The following SLC24A2 variants were observed in gnomAD, a reference collection of about 807,000 sequenced individuals.
SLC24A2 encodes the protein solute carrier family 24 member 2, also known as sodium/potassium/calcium exchanger 2.
In SLC24A2, 36 loss-of-function variants were observed where a neutral mutation model predicts 62.0. The ratio of observed to expected loss-of-function variants is 0.58; its 90% CI spans 0.44 to 0.77. SLC24A2 has a LOEUF of 0.77. SLC24A2 is among the 30% of genes least tolerant of loss of function. The pLI, the probability that SLC24A2 is intolerant of heterozygous loss-of-function variation, is 0.00. For synonymous variants in SLC24A2, 358 were observed against 294.0 expected, an observed-to-expected ratio of 1.22 and a Z score of -2.23; for missense variants, 846 against 817.9, an observed-to-expected ratio of 1.03 and a Z score of -0.42.
the SLC24A2 span, among the ~76,000 whole-genome samples, chr9:19,850,588 C>A: frequency 6.6e-6 from 1 of 152,026 alleles, no homozygotes; most frequent in South Asian, 2.1e-4. Flanking sequence ...TATCCATTAT[C>A]CCCCAAAATT....
chr9:19,971,508 G>A, the SLC24A2 span, among the ~76,000 whole-genome samples: 1 of 152,188 alleles, frequency 6.6e-6, no homozygotes, highest in Non-Finnish European at 1.5e-5. Flanking sequence ...GGCAGGGGAA[G>A]GATTCTCACT....
the SLC24A2 span, among the ~76,000 whole-genome samples, chr9:20,049,809 T>C: frequency 6.6e-6 from 1 of 152,032 alleles, no homozygotes; most frequent in African/African-American, 2.4e-5. Context: ...CAGCAATCAC[T>C]GGGTAGAAGC....
At chr9:19,896,805 G>A in the SLC24A2 span, among the ~76,000 whole-genome samples, 1 of 152,058 alleles carries the variant, frequency 6.6e-6, no homozygotes, top group African/African-American at 2.4e-5. Flanking sequence ...CTATAAAAGG[G>A]GAACAACATT....
chr9:19,867,541 C>T, the SLC24A2 span, among the ~76,000 whole-genome samples: 1 of 151,794 alleles, frequency 6.6e-6, no homozygotes, highest in Non-Finnish European at 1.5e-5. Context: ...TCTTTCATTC[C>T]TGATTTTGGT....
the SLC24A2 span, among the ~76,000 whole-genome samples, chr9:20,023,878 A>T: frequency 6.6e-6 from 1 of 152,196 alleles, no homozygotes; most frequent in Non-Finnish European, 1.5e-5. Context: ...CTACTTAGGA[A>T]TATGTTTTCC....
intron 2 of SLC24A2, among the ~76,000 whole-genome samples, chr9:19,649,869 G>T (rs573255739): frequency 6.6e-6 from 1 of 152,338 alleles, no homozygotes; most frequent in East Asian, 1.9e-4. Flanking sequence ...AATTAGGTCT[G>T]AATTCAGAGC....
At chr9:20,292,513 C>T in the SLC24A2 span, among the ~76,000 whole-genome samples, 3 of 152,210 alleles carry the variant, frequency 2.0e-5, no homozygotes, top group African/African-American at 7.2e-5. Context: ...TCTCCCTTAG[C>T]TATCTGTATT....
the SLC24A2 span, among the ~76,000 whole-genome samples, chr9:20,034,654 G>C: frequency 6.6e-6 from 1 of 151,900 alleles, no homozygotes; most frequent in Non-Finnish European, 1.5e-5. Flanking sequence ...ATTTTTAGTA[G>C]AGACGGGGTT....
chr9:19,627,291 T>C (rs958919756), intron 2 of SLC24A2, among the ~76,000 whole-genome samples: 6 of 152,188 alleles, frequency 3.9e-5, no homozygotes, highest in Non-Finnish European at 8.8e-5. Context: ...GATGATTTGT[T>C]TGGATAATCT....
chr9:19,722,782 A>G (rs1035222910), intron 2 of SLC24A2, among the ~76,000 whole-genome samples: 2 of 152,132 alleles, frequency 1.3e-5, no homozygotes, highest in Non-Finnish European at 2.9e-5. Context: ...GATGACCCCC[A>G]AACAATCTTA....
At chr9:19,883,817 G>A in the SLC24A2 span, among the ~76,000 whole-genome samples, 1 of 151,986 alleles carries the variant, frequency 6.6e-6, no homozygotes, top group East Asian at 1.9e-4. Flanking sequence ...CGCCCACCTT[G>A]GCCTCCCAAC....
the SLC24A2 span, among the ~76,000 whole-genome samples, chr9:20,261,764 G>C: frequency 7.4e-5 from 5 of 67,778 alleles, no homozygotes; most frequent in Non-Finnish European, 1.2e-4. Context: ...TTTTGAGACT[G>C]AGTCTCGCTC....
Position 19,527,478 on chromosome 9 carries a change from C to A in SLC24A2, c.1569+571G>T, listed in dbSNP as rs572101860. 4.1e-4 allele frequency among the ~76,000 whole-genome samples: 62 copies of A among 152,282 alleles called. 1 individual carries two copies. In the South Asian group the frequency reaches 0.012, roughly 30 times the overall value. On this transcript the variant is annotated intron_variant, in intron 9 of 10. Coordinates refer to ENST00000341998, the MANE Select transcript of SLC24A2 (RefSeq NM_020344.4). ...CATACTCAATTATCAATAGTTACCA[C>A]TATTATCTTTGAAAATGTGAAACCC...
At chr9:19,701,234 T>C (rs569012046) in intron 2 of SLC24A2, among the ~76,000 whole-genome samples, 3 of 152,352 alleles carry the variant, frequency 2.0e-5, no homozygotes, top group East Asian at 3.9e-4. Flanking sequence ...TGAAGACAGA[T>C]TAAAAAGGAA....
the SLC24A2 span, among the ~76,000 whole-genome samples, chr9:19,944,805 C>A: frequency 6.6e-6 from 1 of 152,106 alleles, no homozygotes; most frequent in East Asian, 1.9e-4. Flanking sequence ...CTTCGTTAAT[C>A]TGTTCATGAT....
the SLC24A2 span, among the ~76,000 whole-genome samples, chr9:19,835,755 CA>C: frequency 6.6e-6 from 1 of 152,172 alleles, no homozygotes; most frequent in African/African-American, 2.4e-5. Context: ...CTCTCTACCC[CA>C]AATCAACAGA....
chr9:19,912,480 A>C, the SLC24A2 span, among the ~76,000 whole-genome samples: 22 of 152,238 alleles, frequency 1.4e-4, 1 homozygote, highest in South Asian at 3.7e-3. Flanking sequence ...GGATTAGAAC[A>C]TGGGTTCTCT....
At chr9:19,590,862 C>T (rs1427431831) in intron 5 of SLC24A2, among the ~76,000 whole-genome samples, 1 of 152,158 alleles carries the variant, frequency 6.6e-6, no homozygotes, top group Non-Finnish European at 1.5e-5. Flanking sequence ...CACTTTCTGT[C>T]CACCACTCAC....
chr9:19,649,316 T>C (rs1818734020), intron 2 of SLC24A2, among the ~76,000 whole-genome samples: 1 of 152,120 alleles, frequency 6.6e-6, no homozygotes, highest in African/African-American at 2.4e-5. Context: ...CCAGATAATA[T>C]ATGTTGATCT....
Sources: allele counts gnomAD v4.1 joint callset (sites outside exome capture counted in the v4.1 genomes callset), GRCh38; gene constraint gnomAD v4.1.1; transcripts MANE v1.5; gene names NCBI Gene and HGNC (gene_info 2026-07-23, HGNC 2026-07-21).